Variants in PXMP2 observed in about 807,000 individuals in gnomAD.
PXMP2 encodes the protein 22 kDa peroxisomal membrane protein.
PXMP2 carries 13 observed loss-of-function variants against 20.2 expected under a neutral mutation model. The observed-to-expected ratio is 0.64, with a 90% CI of 0.42 to 1.02. The LOEUF (loss-of-function observed/expected upper bound fraction) is 1.02. PXMP2 is among the 50% of genes least tolerant of loss of function. The pLI is 0.00. For synonymous variants in PXMP2, 113 were observed against 111.2 expected, an observed-to-expected ratio of 1.02 and a Z score of -0.10; for missense variants, 284 against 251.8, an observed-to-expected ratio of 1.13 and a Z score of -0.87.
rs564176696 is a variant in PXMP2, at chr12:132,703,257, A to AC, written c.520-1358dup. ...AGACCAGTCTGGGCAACATAGTGAG[A>AC]CCCCATCTCTATTTTATAAAAATGA... On this transcript the variant is annotated intron_variant, in intron 4 of 4. Transcript: ENST00000317479. Among the ~76,000 whole-genome samples, 275 of 152,224 alleles carry AC rather than the reference A, an allele frequency of 1.8e-3. 2 individuals are homozygous for AC. The highest frequency in any genetic ancestry group is 6.4e-3 in the African/African-American group (265 of 41,536).
At chr12:132,697,401 A>G (rs1175610345) in intron 3 of PXMP2, among the ~76,000 whole-genome samples, 1 of 151,416 alleles carries the variant, frequency 6.6e-6, no homozygotes, top group Admixed American at 6.6e-5. Flanking sequence ...TATTTTATTT[A>G]TTTATTTATT....
Position 132,704,922 on chromosome 12 carries a change from G to A in PXMP2, c.*235G>A. 7.2e-6 allele frequency: 4 copies of A among 552,690 alleles called. No homozygotes were observed. In the South Asian group the frequency reaches 9.4e-5, roughly 13 times the overall value. 34.2% of individuals were successfully genotyped at this position (552,690 alleles called of 1,614,324 possible). On this transcript the variant is annotated 3_prime_UTR_variant, in exon 5 of 5. Transcript: ENST00000317479. ...CCCAGAAACTTAAAATTTAGTCGAG[G>A]CAGTTTCAATTGTTACTGTGGACCG...
At chr12:132,691,914 G>T (rs888780424) in intron 2 of PXMP2, among the ~76,000 whole-genome samples, 3 of 152,272 alleles carry the variant, frequency 2.0e-5, no homozygotes, top group Admixed American at 6.5e-5. Context: ...ACAGGGGAAT[G>T]ATTAGTAGCA....
chr12:132,704,679 G>C lies in PXMP2; in HGVS notation c.580G>C (p.Gly194Arg), dbSNP rs567942506. Residue 194 changes from glycine (G) to arginine (R), a missense_variant, in exon 5 of 5, where the codon GGG becomes CGG. Physicochemically the swap from Gly to Arg is moderately radical, Grantham distance 125 (BLOSUM62 -2). Transcript: ENST00000317479. ...LFWYAYLASL[G>R]K ...CTGGTATGCCTACCTGGCCTCCTTG[G>C]GGAAGTGACGACCGCTGGGAGAACA... 4.5e-6 allele frequency: 7 copies of C among 1,564,266 alleles called. No individual in the cohort carries two copies. The South Asian group carries it at 8.4e-5, about 19-fold the overall frequency.
intron 2 of PXMP2, among the ~76,000 whole-genome samples, chr12:132,692,242 G>A (rs1485705712): frequency 2.0e-5 from 3 of 149,934 alleles, no homozygotes; most frequent in African/African-American, 7.4e-5. Flanking sequence ...TAGTTAGTGA[G>A]CTCCCTGAGC....
intron 2 of PXMP2, 64 bp from the exon 3 acceptor site, chr12:132,695,820 G>A: frequency 6.6e-7 from 1 of 1,515,484 alleles, no homozygotes; most frequent in Non-Finnish European, 8.9e-7. Flanking sequence ...TGGGGGTGAA[G>A]CTAGACCAGA....
rs1275725533 is a variant in PXMP2 at position 132,700,838 on chromosome 12, T to C, written c.400-412T>C. ...CACCAGCTGACATTTAGAATGAACT[T>C]ACTGGAGTCCTTTTTTTTTTTTTTT... On this transcript the variant is annotated intron_variant, in intron 3 of 4. Coordinates refer to ENST00000317479, the MANE Select transcript of PXMP2 (RefSeq NM_018663.3). Among the ~76,000 whole-genome samples the C allele has an allele frequency of 2.1e-5, 3 of 146,018 alleles. No individual in the cohort carries two copies. The Admixed American group carries it at 2.1e-4, about 10-fold the overall frequency.
At chr12:132,694,966 C>CAGTT (rs552182561) in intron 2 of PXMP2, among the ~76,000 whole-genome samples, 317 of 71,272 alleles carry the variant, frequency 4.4e-3, no homozygotes, top group African/African-American at 0.011. Flanking sequence ...GCTCCCTTGC[C>CAGTT]AGTTAGTTAG....
intron 2 of PXMP2, among the ~76,000 whole-genome samples, chr12:132,692,646 C>T (rs2043377453): frequency 7.2e-6 from 1 of 139,306 alleles, no homozygotes; most frequent in Non-Finnish European, 1.5e-5. Context: ...GCGCCCTTAG[C>T]CAGTTAGTTA....
At chr12:132,701,167 C>G in intron 3 of PXMP2, 83 bp from the exon 4 acceptor site, 2 of 1,566,940 alleles carry the variant, frequency 1.3e-6, no homozygotes, top group Non-Finnish European at 1.7e-6. Flanking sequence ...AGTTTAAAAA[C>G]CATCACGATA....
intron 2 of PXMP2, among the ~76,000 whole-genome samples, chr12:132,693,906 CAGTTAGTGAGCGCCCTTGCCAGTT>C (rs2043390154): frequency 1.5e-4 from 10 of 66,754 alleles, no homozygotes; most frequent in South Asian, 5.3e-4. Flanking sequence ...CGCCCTTAGC[CAGTTAGTGAGCGCCCTTGCCAGTT>C]AGTTAGTGAG....
intron 2 of PXMP2, among the ~76,000 whole-genome samples, chr12:132,691,823 C>G (rs554200204): frequency 6.6e-6 from 1 of 152,350 alleles, no homozygotes; most frequent in Admixed American, 6.5e-5. Flanking sequence ...AAAGACCCCT[C>G]TTTTTGTTGC....
At chr12:132,692,224 T>TAGCCAGTTAGTTAGTGAGCTCCCTG (rs1565990338) in intron 2 of PXMP2, among the ~76,000 whole-genome samples, 4 of 119,588 alleles carry the variant, frequency 3.3e-5, no homozygotes, top group African/African-American at 8.8e-5. Flanking sequence ...TGAGCGCCCT[T>TAGCCAGTTAGTTAGTGAGCTCCCTG]AGCCAGTTAG....
chr12:132,695,855 A>G, intron 2 of PXMP2, 29 bp from the exon 3 acceptor site: 8 of 1,582,918 alleles, frequency 5.1e-6, no homozygotes, highest in Non-Finnish European at 6.9e-6. Flanking sequence ...GAGAACCACA[A>G]TCTGGCTCAC....
Position 132,690,281 on chromosome 12 carries a change from T to G in PXMP2, c.141T>G (p.Leu47=). 2 of 1,614,044 alleles carry G rather than the reference T, an allele frequency of 1.2e-6. No homozygotes were observed. Among genetic ancestry groups the G allele is most frequent in the Non-Finnish European group, 1.7e-6 (2 of 1,179,934 alleles). Residue 47 remains leucine, a synonymous_variant, in exon 2 of 5, where the codon CTT becomes CTG. Transcript: ENST00000317479. ...TCCACAGTGGCATTTTGTCAGCACT[T>G]GGGAACTTCCTGGCCCAGATGATTG... ...KAATSGILSA[L]GNFLAQMIEK...
intron 4 of PXMP2, among the ~76,000 whole-genome samples, chr12:132,703,358 A>G (rs2043453338): frequency 6.6e-6 from 1 of 152,046 alleles, no homozygotes; most frequent in African/African-American, 2.4e-5. Flanking sequence ...ACACTCAGAG[A>G]TGCGGCCATG....
chr12:132,697,686 G>A (rs1276601860), intron 3 of PXMP2, among the ~76,000 whole-genome samples: 1 of 152,076 alleles, frequency 6.6e-6, no homozygotes, highest in Non-Finnish European at 1.5e-5. Flanking sequence ...GATTACAAGC[G>A]TGAGCCACTG....
chr12:132,689,906 G>A (rs2043356590), intron 1 of PXMP2, among the ~76,000 whole-genome samples: 2 of 152,172 alleles, frequency 1.3e-5, no homozygotes, highest in African/African-American at 4.8e-5. Context: ...TATCACATCT[G>A]TACATTCTTG....
rs1241680577 is a variant in PXMP2 at position 132,696,407 on chromosome 12, G to T, written c.399+361G>T. Among the ~76,000 whole-genome samples the T allele has an allele frequency of 9.2e-5, 14 of 152,062 alleles. No homozygotes were observed. The highest frequency in any genetic ancestry group is 9.2e-4 in the Admixed American group (14 of 15,248). On this transcript the variant is annotated intron_variant, in intron 3 of 4. Transcript: ENST00000317479. The surrounding 1 kb of genome is among the most constrained non-coding windows in gnomAD (Gnocchi z 4.4). Reference sequence around the variant, plus strand: ...GCGTGCCACCACACCCAGCTAATCAGATATTTTTATATCACATCAGTTGTT... The same window carrying T: ...GCGTGCCACCACACCCAGCTAATCATATATTTTTATATCACATCAGTTGTT...
Sources: gnomAD v4.1 joint callset for allele counts (sites outside exome capture counted in the v4.1 genomes callset) on GRCh38, gnomAD v4.1.1 for gene constraint, Gnocchi (gnomAD v3.1) non-coding constraint, MANE v1.5 for transcripts, NCBI Gene and HGNC (gene_info 2026-07-23, HGNC 2026-07-21) for gene names.